STAG1: variants seen among roughly 807,000 people sequenced by gnomAD.
STAG1 encodes cohesin subunit SA-1.
A neutral mutation model predicts 170.9 loss-of-function variants in STAG1; 26 were observed. That is an observed-to-expected ratio of 0.15 (90% CI 0.11 to 0.21). The LOEUF (loss-of-function observed/expected upper bound fraction) is 0.21, where lower values mean the gene tolerates loss of function less well. Ranked by LOEUF, STAG1 falls within the 10% of genes least tolerant of loss-of-function variation. STAG1 has a pLI of 1.00. For missense variants in STAG1, 964 were observed against 1,509.5 expected (o/e 0.64, Z 5.99); for synonymous variants, 514 against 497.7 (o/e 1.03, Z -0.44).
intron 4 of STAG1, among the ~76,000 whole-genome samples, chr3:136,599,060 G>A (rs1576650157): frequency 6.6e-6 from 1 of 152,046 alleles, no homozygotes; most frequent in African/African-American, 2.4e-5. Context: ...AATACCACTT[G>A]ACCCAGCAAT....
chr3:136,424,261 A>C (rs1169649206), intron 16 of STAG1, among the ~76,000 whole-genome samples: 3 of 151,700 alleles, frequency 2.0e-5, no homozygotes, highest in Non-Finnish European at 4.4e-5. Flanking sequence ...CTTGAAATTC[A>C]TTTGACAATG....
chr3:136,657,239 G>A (rs528685696), intron 1 of STAG1, among the ~76,000 whole-genome samples: 11 of 116,724 alleles, frequency 9.4e-5, no homozygotes, highest in African/African-American at 3.0e-4. Flanking sequence ...CACTCTTGTC[G>A]TCTAGGCTGG....
chr3:136,494,981 T>C (rs1270800843), intron 9 of STAG1, among the ~76,000 whole-genome samples: 1 of 152,158 alleles, frequency 6.6e-6, no homozygotes, highest in East Asian at 1.9e-4. Flanking sequence ...CTAAGATTTA[T>C]ACAGAAATGC....
chr3:136,343,756 A>G (rs1247263785), intron 30 of STAG1, 76 bp downstream of exon 30: 2 of 1,247,216 alleles, frequency 1.6e-6, no homozygotes, highest in Non-Finnish European at 2.2e-6. Context: ...GTTCTGATGA[A>G]CAAATAAAGT....
intron 9 of STAG1, among the ~76,000 whole-genome samples, chr3:136,492,918 A>C (rs1350123114): frequency 6.6e-6 from 1 of 152,188 alleles, no homozygotes; most frequent in Non-Finnish European, 1.5e-5. Flanking sequence ...AATATATATG[A>C]CAATAATAGC....
intron 1 of STAG1, among the ~76,000 whole-genome samples, chr3:136,655,378 A>C (rs1231569192): frequency 6.6e-6 from 1 of 152,266 alleles, no homozygotes; most frequent in Non-Finnish European, 1.5e-5. Flanking sequence ...GCACGTGAAA[A>C]GATGCTCAAT....
intron 22 of STAG1, among the ~76,000 whole-genome samples, chr3:136,395,811 A>G (rs2087131880): frequency 6.6e-6 from 1 of 152,216 alleles, no homozygotes; most frequent in Non-Finnish European, 1.5e-5. Flanking sequence ...ACTCAATCAG[A>G]AGGGTGAGAA....
chr3:136,388,371 G>A (rs1042394062), intron 22 of STAG1, among the ~76,000 whole-genome samples: 1 of 151,974 alleles, frequency 6.6e-6, no homozygotes. Flanking sequence ...CTGCTTTTTT[G>A]TTTGTTTGTT....
chr3:136,634,234 T>G (rs1940458804), intron 1 of STAG1, among the ~76,000 whole-genome samples: 1 of 151,780 alleles, frequency 6.6e-6, no homozygotes, highest in Non-Finnish European at 1.5e-5. Context: ...CACCTGTGGT[T>G]CCAGCTACTC....
chr3:136,629,609 G>C (rs1454338222), intron 2 of STAG1, among the ~76,000 whole-genome samples: 1 of 151,866 alleles, frequency 6.6e-6, no homozygotes, highest in African/African-American at 2.4e-5. Context: ...CAGTATTGAT[G>C]GTTTTTCAAG....
At chr3:136,506,586 C>A (rs1456328559) in intron 7 of STAG1, among the ~76,000 whole-genome samples, 1 of 144,530 alleles carries the variant, frequency 6.9e-6, no homozygotes, top group Non-Finnish European at 1.5e-5. Flanking sequence ...GTAGAGATTG[C>A]AGTGAGCTGA....
At chr3:136,352,175 T>G (rs1936459396) in intron 28 of STAG1, among the ~76,000 whole-genome samples, 1 of 152,212 alleles carries the variant, frequency 6.6e-6, no homozygotes, top group Non-Finnish European at 1.5e-5. Context: ...TTTATTTATT[T>G]TTTTGAGATA....
At chr3:136,666,545 C>T (rs1313464542) in intron 1 of STAG1, among the ~76,000 whole-genome samples, 5 of 152,086 alleles carry the variant, frequency 3.3e-5, no homozygotes, top group South Asian at 4.1e-4. Flanking sequence ...CGACTGGGCG[C>T]GGTGGCTCAC....
chr3:136,459,088 C>T (rs1031331212), intron 13 of STAG1, among the ~76,000 whole-genome samples: 2 of 151,956 alleles, frequency 1.3e-5, no homozygotes, highest in Admixed American at 6.6e-5. Context: ...CGTGGTGACA[C>T]GTGCCTGCAG....
At chr3:136,647,047 T>C (rs1444883154) in intron 1 of STAG1, among the ~76,000 whole-genome samples, 2 of 152,242 alleles carry the variant, frequency 1.3e-5, no homozygotes, top group Admixed American at 6.5e-5. Flanking sequence ...ACATTATGTA[T>C]ACTGCAACAC....
At chr3:136,395,278 T>G (rs2108334379) in intron 22 of STAG1, among the ~76,000 whole-genome samples, 1 of 152,282 alleles carries the variant, frequency 6.6e-6, no homozygotes, top group East Asian at 1.9e-4. Context: ...TTCAAAGAAG[T>G]CGATTGAAGA....
At chr3:136,524,257 G>C (rs577138279) in intron 6 of STAG1, among the ~76,000 whole-genome samples, 139 of 146,466 alleles carry the variant, frequency 9.5e-4, no homozygotes, top group African/African-American at 3.0e-3. Flanking sequence ...TGTTTGTGTC[G>C]TCTTTTATTT....
intron 4 of STAG1, among the ~76,000 whole-genome samples, chr3:136,598,476 G>A (rs1179768439): frequency 1.3e-5 from 2 of 151,298 alleles, no homozygotes; most frequent in Non-Finnish European, 1.5e-5. Flanking sequence ...GCCCAGGCTG[G>A]AGTGCAATGG....
intron 22 of STAG1, among the ~76,000 whole-genome samples, chr3:136,379,871 T>C (rs1937852285): frequency 6.6e-6 from 1 of 152,202 alleles, no homozygotes; most frequent in Non-Finnish European, 1.5e-5. Context: ...ATCATTTGAA[T>C]ATTGTCCTGC....
Sources: gnomAD v4.1 joint callset for allele counts (sites outside exome capture counted in the v4.1 genomes callset) on GRCh38, gnomAD v4.1.1 for gene constraint, MANE v1.5 for transcripts, NCBI Gene and HGNC (gene_info 2026-07-23, HGNC 2026-07-21) for gene names.